NAPB: variants seen among roughly 807,000 people sequenced by gnomAD.
The protein encoded by NAPB is beta-soluble NSF attachment protein.
Under a neutral mutation model 44.7 loss-of-function variants are expected in NAPB, and 26 were observed. That is an observed-to-expected ratio of 0.58 (90% CI 0.43 to 0.81). The LOEUF is 0.81. Among genes scored for constraint, NAPB ranks in the 30% least tolerant of loss-of-function variants. The pLI is 0.00. For synonymous variants in NAPB, 120 were observed against 116.8 expected, an observed-to-expected ratio of 1.03 and a Z score of -0.18; for missense variants, 315 against 356.4, an observed-to-expected ratio of 0.88 and a Z score of 0.94.
At chr20:23,395,229 G>C in intron 3 of NAPB, 44 bp from the exon 4 acceptor site, 1 of 1,602,508 alleles carries the variant, frequency 6.2e-7, no homozygotes, top group Non-Finnish European at 8.5e-7. Context: ...AATCCATTCA[G>C]TCAAAGAGGG....
intron 7 of NAPB, among the ~76,000 whole-genome samples, chr20:23,387,830 A>T (rs1983642705): frequency 6.6e-6 from 1 of 152,140 alleles, no homozygotes; most frequent in South Asian, 2.1e-4. Flanking sequence ...GACTGATTTT[A>T]TGTGTCACCT....
chr20:23,414,672 T>C (rs888725673), intron 1 of NAPB, among the ~76,000 whole-genome samples: 1 of 152,212 alleles, frequency 6.6e-6, no homozygotes, highest in African/African-American at 2.4e-5. Context: ...ATTCTGAAAC[T>C]CTACTTCCAA....
At chr20:23,417,946 A>C (rs971611687) in intron 1 of NAPB, among the ~76,000 whole-genome samples, 14 of 152,234 alleles carry the variant, frequency 9.2e-5, no homozygotes, top group Non-Finnish European at 1.9e-4. Flanking sequence ...TTTTACTGAA[A>C]GCAAGAAACA....
intron 1 of NAPB, among the ~76,000 whole-genome samples, chr20:23,412,137 G>A (rs1248984295): frequency 6.6e-6 from 1 of 152,192 alleles, no homozygotes; most frequent in Admixed American, 6.5e-5. Context: ...GGCTGTGACT[G>A]CTGCCTCTTT....
intron 3 of NAPB, among the ~76,000 whole-genome samples, chr20:23,396,161 T>G (rs1228988068): frequency 6.6e-6 from 1 of 152,230 alleles, no homozygotes; most frequent in Non-Finnish European, 1.5e-5. Context: ...ACATTCAGTC[T>G]CATGTGCTTC....
intron 8 of NAPB, among the ~76,000 whole-genome samples, chr20:23,380,208 T>A (rs574800833): frequency 6.6e-6 from 1 of 152,244 alleles, no homozygotes; most frequent in Middle Eastern, 3.2e-3. Flanking sequence ...ACAGACCAGG[T>A]ATCTGTATCC....
intron 1 of NAPB, among the ~76,000 whole-genome samples, chr20:23,417,028 C>G (rs1349100468): frequency 1.3e-5 from 2 of 151,808 alleles, no homozygotes; most frequent in African/African-American, 4.8e-5. Flanking sequence ...AGACTAAACA[C>G]TGAAAGGCAA....
chr20:23,405,003 G>GA (rs1384417662), intron 1 of NAPB, among the ~76,000 whole-genome samples: 1 of 152,172 alleles, frequency 6.6e-6, no homozygotes, highest in African/African-American at 2.4e-5. Context: ...ACACCCAAGA[G>GA]AAATTAAAAC....
chr20:23,392,637 T>C (rs1020803815), intron 5 of NAPB, among the ~76,000 whole-genome samples: 3 of 151,720 alleles, frequency 2.0e-5, no homozygotes, highest in Non-Finnish European at 2.9e-5. Flanking sequence ...CTCCAACCTG[T>C]CCAGCCTGTG....
intron 1 of NAPB, among the ~76,000 whole-genome samples, chr20:23,406,755 T>C (rs1985285334): frequency 6.6e-6 from 1 of 152,240 alleles, no homozygotes. Context: ...TCTTGGGTCT[T>C]GTTTTTCTAA....
chr20:23,396,459 C>T (rs866142991), intron 3 of NAPB, among the ~76,000 whole-genome samples: 5 of 152,170 alleles, frequency 3.3e-5, no homozygotes, highest in Non-Finnish European at 4.4e-5. Context: ...ACAAAATTTC[C>T]GCTGTGCACG....
rs1444292619 is a variant in NAPB at position 23,375,843 on chromosome 20, T to G, written c.*1533A>C. 1.3e-5 allele frequency: 2 copies of G among 152,384 alleles called. No individual in the cohort carries two copies. Among genetic ancestry groups the G allele is most frequent in the Non-Finnish European group, 2.9e-5 (2 of 68,142 alleles). 9.4% of individuals were successfully genotyped at this position (152,384 alleles called of 1,614,324 possible). ...CATAACTATAGCCTGCAAGTCCTCG[T>G]GGCCACCTGATGTGGATCCTCTACA... On this transcript the variant is annotated 3_prime_UTR_variant, in exon 11 of 11. Transcript: ENST00000377026.
chr20:23,398,145 T>C (rs1984512802), intron 2 of NAPB, among the ~76,000 whole-genome samples: 1 of 152,100 alleles, frequency 6.6e-6, no homozygotes, highest in Non-Finnish European at 1.5e-5. Flanking sequence ...CATGCGAAAC[T>C]TCCTGAGTTC....
chr20:23,405,261 AC>A (rs1285814884), intron 1 of NAPB, among the ~76,000 whole-genome samples: 1 of 149,662 alleles, frequency 6.7e-6, no homozygotes, highest in African/African-American at 2.5e-5. Context: ...AGTCTAGGTG[AC>A]AGAGCGAGAC....
At chr20:23,406,565 A>G (rs2123234532) in intron 1 of NAPB, among the ~76,000 whole-genome samples, 1 of 152,252 alleles carries the variant, frequency 6.6e-6, no homozygotes, top group East Asian at 1.9e-4. Context: ...CATACCAAAA[A>G]TGAAGTGTCA....
rs1982592903 is a variant in NAPB, at chr20:23,377,272, T to A, written c.*104A>T. The A allele has an allele frequency of 1.7e-6, 1 of 605,084 alleles. No homozygotes were observed. The highest frequency in any genetic ancestry group is 1.8e-5 in the African/African-American group (1 of 54,276). 37.5% of individuals were successfully genotyped at this position (605,084 alleles called of 1,614,324 possible). On this transcript the variant is annotated 3_prime_UTR_variant, in exon 11 of 11. Coordinates refer to ENST00000377026, the MANE Select transcript of NAPB (RefSeq NM_022080.3). ...AACAATACACAGGCCGTCTGGCTCATATGCAACAAAATTAAGCCATTAAAT... is the reference window on the plus strand; with the variant it reads ...AACAATACACAGGCCGTCTGGCTCAAATGCAACAAAATTAAGCCATTAAAT...
chr20:23,390,487 A>G, intron 5 of NAPB, among the ~76,000 whole-genome samples: 1 of 152,236 alleles, frequency 6.6e-6, no homozygotes, highest in South Asian at 2.1e-4. Context: ...GCATATGCCC[A>G]GCTACACCAC....
intron 7 of NAPB, among the ~76,000 whole-genome samples, chr20:23,382,226 G>A (rs549474422): frequency 6.6e-6 from 1 of 152,276 alleles, no homozygotes; most frequent in East Asian, 1.9e-4. Flanking sequence ...GGCCCCTCAG[G>A]TGTCAACAGA....
At chr20:23,394,257 G>A (rs1320783761) in intron 5 of NAPB, among the ~76,000 whole-genome samples, 1 of 152,202 alleles carries the variant, frequency 6.6e-6, no homozygotes, top group Non-Finnish European at 1.5e-5. Context: ...GAAGGATCCT[G>A]CAGCGATCAA....
Sources: gnomAD v4.1 joint callset for allele counts (sites outside exome capture counted in the v4.1 genomes callset) on GRCh38, gnomAD v4.1.1 for gene constraint, MANE v1.5 for transcripts, NCBI Gene and HGNC (gene_info 2026-07-23, HGNC 2026-07-21) for gene names.